Variants in ESYT3 observed in about 807,000 individuals in gnomAD.
ESYT3 encodes extended synaptotagmin-3.
In ESYT3, 101 loss-of-function variants were observed where a neutral mutation model predicts 111.5. That is an observed-to-expected ratio of 0.91 (90% CI 0.77 to 1.07). The LOEUF is 1.07. Among genes scored for constraint, ESYT3 ranks in the 50% least tolerant of loss-of-function variants. The pLI, the probability that ESYT3 is intolerant of heterozygous loss-of-function variation, is 0.00. For missense variants in ESYT3, 1,097 were observed against 1,109.4 expected, an observed-to-expected ratio of 0.99 and a Z score of 0.16; for synonymous variants, 416 against 446.8, an observed-to-expected ratio of 0.93 and a Z score of 0.87.
chr3:138,468,169 T>G lies in ESYT3; in HGVS notation c.1283T>G (p.Leu428Arg). 6.2e-7 allele frequency: 1 copy of G among 1,614,090 alleles called. No individual in the cohort carries two copies. Among genetic ancestry groups the G allele is most frequent in the Non-Finnish European group, 8.5e-7 (1 of 1,180,014 alleles). ...CTGCGGCTGGAGTGGCTTTCATTGC[T>G]TACTGACCAAGAAGTTCTGACTGAG... ...LHLRLEWLSLLTDQEVLTEDH... is the reference protein window; with the variant it reads ...LHLRLEWLSLRTDQEVLTEDH... Residue 428 changes from leucine (L) to arginine (R), a missense_variant, in exon 12 of 23, where the codon CTT (leucine) becomes CGT (arginine). Leu to Arg is a moderately radical substitution (Grantham distance 102). Transcript: ENST00000389567.
At chr3:138,459,131 C>A in intron 4 of ESYT3, 56 bp from the exon 5 acceptor site, 1 of 1,407,248 alleles carries the variant, frequency 7.1e-7, no homozygotes, top group East Asian at 2.5e-5. Flanking sequence ...CCCAACCTTT[C>A]TGAGCAAGTG....
chr3:138,481,650 G>C (rs1411084132), downstream of ESYT3: 1 of 151,598 alleles, frequency 6.6e-6, no homozygotes, highest in African/African-American at 2.4e-5. Context: ...ACAGGCATGA[G>C]CCACCACGCC....
intron 2 of ESYT3, among the ~76,000 whole-genome samples, chr3:138,453,589 A>G (rs1334916587): frequency 6.6e-6 from 1 of 152,188 alleles, no homozygotes; most frequent in Non-Finnish European, 1.5e-5. Flanking sequence ...GGAAATGCAT[A>G]TTTAAACTGA....
intron 1 of ESYT3, among the ~76,000 whole-genome samples, chr3:138,439,338 C>T (rs955620177): frequency 9.2e-5 from 14 of 152,002 alleles, no homozygotes; most frequent in East Asian, 1.9e-4. Context: ...GGAAGGGACG[C>T]GCAGAGCACT....
chr3:138,475,894 C>T (rs2033458111), intron 20 of ESYT3, among the ~76,000 whole-genome samples: 1 of 152,178 alleles, frequency 6.6e-6, no homozygotes. Flanking sequence ...CCATTGCACT[C>T]CAGCCTGGGC....
chr3:138,476,944 A>G lies in ESYT3; in HGVS notation c.*90A>G. On this transcript the variant is annotated 3_prime_UTR_variant, in exon 23 of 23. Coordinates refer to ENST00000389567, the MANE Select transcript of ESYT3 (RefSeq NM_031913.5). ...TGGATCACTTACATCCAATATATGTATATTTTGTCATTTAAATCAGAACAA... is the reference window on the plus strand; with the variant it reads ...TGGATCACTTACATCCAATATATGTGTATTTTGTCATTTAAATCAGAACAA... 1.0e-6 allele frequency: 1 copy of G among 982,280 alleles called. No individual in the cohort carries two copies. The highest frequency in any genetic ancestry group is 1.7e-5 in the South Asian group (1 of 57,968). 60.8% of individuals were successfully genotyped at this position (982,280 alleles called of 1,614,324 possible). A position where few individuals can be genotyped will look rare whatever the true frequency, so the allele number is the denominator to read the frequency against.
At chr3:138,469,951 T>C (rs898170261) in intron 15 of ESYT3, 109 bp from the exon 16 acceptor site, 41 of 838,084 alleles carry the variant, frequency 4.9e-5, no homozygotes, top group Non-Finnish European at 6.7e-5. Context: ...CCAGGGCATA[T>C]AGGTAAGGTT....
Position 138,468,684 on chromosome 3 carries a change from C to CG in ESYT3, c.1339dup (p.Val447GlyfsTer16). On this transcript the variant is annotated frameshift_variant, in exon 13 of 23. Coordinates refer to ENST00000389567, the MANE Select transcript of ESYT3 (RefSeq NM_031913.5). LOFTEE classifies it high-confidence loss of function. ...ATGGTGGCCTTTCCACTGCCATTCT[C>CG]GTGGTCTTCTTGGAGAGTGCCTGCA... 6.2e-7 allele frequency: 1 copy of CG among 1,614,138 alleles called. No homozygotes were observed. The highest frequency in any genetic ancestry group is 8.5e-7 in the Non-Finnish European group (1 of 1,180,028).
Position 138,464,345 on chromosome 3 carries a change from G to A in ESYT3, c.916G>A (p.Gly306Arg). 1 of 1,613,982 alleles carries A rather than the reference G, an allele frequency of 6.2e-7. No individual in the cohort carries two copies. Among genetic ancestry groups the A allele is most frequent in the Non-Finnish European group, 8.5e-7 (1 of 1,179,914 alleles). The change falls in exon 9 of 23, where the codon GGG becomes AGG. Residue 306 changes from glycine to arginine, a missense_variant and splice_region_variant. Gly to Arg is a moderately radical substitution (Grantham distance 125). Coordinates refer to ENST00000389567, the MANE Select transcript of ESYT3 (RefSeq NM_031913.5). ...AGCCCTGGGCTTGGACATTTTCCAG[G>A]GGGTGATCAGAGTGCACTTGCTGGA... ...LTNLRFPLPC[G>R]VIRVHLLEAE... is the part of the protein sequence containing the mutation.
At chr3:138,480,635 T>C (rs1050418506), downstream of ESYT3, 3 of 152,142 alleles carry the variant, frequency 2.0e-5, no homozygotes, top group Non-Finnish European at 4.4e-5. Flanking sequence ...ATAAGAAAAC[T>C]AAAACTTTTT....
At chr3:138,472,947 CTG>C in intron 18 of ESYT3, 88 bp downstream of exon 18, 1 of 1,522,296 alleles carries the variant, frequency 6.6e-7, no homozygotes, top group Non-Finnish European at 8.8e-7. Flanking sequence ...ACTTACATTT[CTG>C]TGCAAGTTGT....
In ESYT3 at chr3:138,465,437, C is replaced by T. The variant is rs1427771606; in HGVS notation, c.1169+16C>T. The T allele has an allele frequency of 1.9e-6, 3 of 1,575,338 alleles. No homozygotes were observed. Among genetic ancestry groups the T allele is most frequent in the African/African-American group, 1.3e-5 (1 of 74,352 alleles). On this transcript the variant is annotated intron_variant, in intron 10 of 22. Coordinates refer to ENST00000389567, the MANE Select transcript of ESYT3 (RefSeq NM_031913.5). ...TCCTGGGCAGGTGAGGAGGAGGGCGCACAGCTGGGCCTGGAGGCAGCCTTC... is the reference window on the plus strand; with the variant it reads ...TCCTGGGCAGGTGAGGAGGAGGGCGTACAGCTGGGCCTGGAGGCAGCCTTC...
At chr3:138,466,037 C>G (rs1384327449) in intron 10 of ESYT3, among the ~76,000 whole-genome samples, 6 of 152,176 alleles carry the variant, frequency 3.9e-5, no homozygotes, top group African/African-American at 9.7e-5. Flanking sequence ...TTTTCCATTG[C>G]CAAACTACAG....
intron 11 of ESYT3, 66 bp downstream of exon 11, chr3:138,467,675 C>A (rs2033000303): frequency 6.9e-7 from 1 of 1,443,308 alleles, no homozygotes. Flanking sequence ...ACAGCTCCAG[C>A]AGCTTGCTTC....
rs982475759 is a variant in ESYT3 at position 138,440,420 on chromosome 3, C to G, written c.327+5295C>G. Among the ~76,000 whole-genome samples the G allele has an allele frequency of 1.3e-5, 2 of 152,220 alleles. No individual in the cohort carries two copies. Among genetic ancestry groups the G allele is most frequent in the African/African-American group, 4.8e-5 (2 of 41,460 alleles). On this transcript the variant is annotated intron_variant, in intron 1 of 22. Transcript: ENST00000389567. This position sits in a 1 kb window ranked among gnomAD's most constrained non-coding sequence, Gnocchi z 4.2. ...GTTCCAGGACCCAGGCTCTCAGGGT[C>G]TGTCCTGAGATACTTCAGTTAATTA...
chr3:138,455,332 G>T lies in ESYT3; in HGVS notation c.504+4G>T, dbSNP rs965183660. On this transcript the variant is annotated splice_donor_region_variant and intron_variant, in intron 3 of 22. Coordinates refer to ENST00000389567, the MANE Select transcript of ESYT3 (RefSeq NM_031913.5). ...CAAGCTCTACTTTGGACAGAAGGTG[G>T]GTGTGTCTCGGGAGGGTCAGCCTGG... 1 of 1,614,004 alleles carries T rather than the reference G, an allele frequency of 6.2e-7. No homozygotes were observed. The highest frequency in any genetic ancestry group is 8.5e-7 in the Non-Finnish European group (1 of 1,179,920).
chr3:138,465,541 A>G (rs2108621027), intron 10 of ESYT3, 120 bp downstream of exon 10: 1 of 744,232 alleles, frequency 1.3e-6, no homozygotes, highest in Non-Finnish European at 2.2e-6. Context: ...ACCCTGACAT[A>G]GTGACTGTGC....
chr3:138,464,069 T>C (rs2032792323), intron 8 of ESYT3, among the ~76,000 whole-genome samples: 1 of 152,254 alleles, frequency 6.6e-6, no homozygotes, highest in Admixed American at 6.5e-5. Flanking sequence ...GGGAGACAGA[T>C]AGCTGCAGTT....
chr3:138,465,807 G>A (rs2032900428), intron 10 of ESYT3, among the ~76,000 whole-genome samples: 2 of 152,152 alleles, frequency 1.3e-5, no homozygotes. Context: ...AGCCCTTCAG[G>A]GGTATGAGAG....
Sources: gnomAD v4.1 joint callset for allele counts (sites outside exome capture counted in the v4.1 genomes callset) on GRCh38, gnomAD v4.1.1 for gene constraint, Gnocchi (gnomAD v3.1) non-coding constraint, MANE v1.5 for transcripts, NCBI Gene and HGNC (gene_info 2026-07-23, HGNC 2026-07-21) for gene names.